The following SIRPG variants were observed in gnomAD, a reference collection of about 807,000 sequenced individuals.
The protein encoded by SIRPG is signal regulatory protein gamma, also known as signal-regulatory protein gamma.
In SIRPG, 38 loss-of-function variants were observed where a neutral mutation model predicts 35.7. That is an observed-to-expected ratio of 1.06 (90% CI 0.82 to 1.40). SIRPG has a LOEUF of 1.40. SIRPG is among the 40% of genes most tolerant of loss of function. SIRPG has a pLI of 0.00. For missense variants in SIRPG, 519 were observed against 483.0 expected, an observed-to-expected ratio of 1.07 and a Z score of -0.70; for synonymous variants, 215 against 190.4, an observed-to-expected ratio of 1.13 and a Z score of -1.06.
the SIRPG span, among the ~76,000 whole-genome samples, chr20:1,676,235 T>G: frequency 6.6e-6 from 1 of 152,166 alleles, no homozygotes; most frequent in Non-Finnish European, 1.5e-5. Flanking sequence ...GGAAGGAAAT[T>G]AGGCAGTGTT....
chr20:1,639,918 A>T (rs1437981091), intron 2 of SIRPG, among the ~76,000 whole-genome samples: 3 of 152,156 alleles, frequency 2.0e-5, no homozygotes, highest in Non-Finnish European at 4.4e-5. Context: ...TTTGTTGAAG[A>T]TCAGATGGTT....
the SIRPG span, among the ~76,000 whole-genome samples, chr20:1,683,461 A>G: frequency 2.0e-5 from 3 of 152,238 alleles, no homozygotes; most frequent in African/African-American, 7.2e-5. Flanking sequence ...CCATTGCAGC[A>G]TTATTTACAG....
the SIRPG span, among the ~76,000 whole-genome samples, chr20:1,679,725 T>G: frequency 6.6e-6 from 1 of 152,164 alleles, no homozygotes; most frequent in African/African-American, 2.4e-5. Context: ...TCTACCATTT[T>G]CAACACTAAT....
chr20:1,640,669 G>C (rs2091845076), intron 2 of SIRPG, among the ~76,000 whole-genome samples: 1 of 152,138 alleles, frequency 6.6e-6, no homozygotes, highest in South Asian at 2.1e-4. Flanking sequence ...GTTAGAGAGG[G>C]CGTCCTTGTC....
At chr20:1,668,529 A>G in the SIRPG span, among the ~76,000 whole-genome samples, 104,800 of 151,396 alleles carry the variant, frequency 0.69, 36,530 homozygotes, top group East Asian at 0.86. Context: ...TGATCCAACC[A>G]CCTCGGTCTC....
chr20:1,678,815 G>A, the SIRPG span, among the ~76,000 whole-genome samples: 36,983 of 152,044 alleles, frequency 0.24, 5,208 homozygotes, highest in East Asian at 0.59. Flanking sequence ...TTAAAGTCAA[G>A]GAAAGAATTC....
At chr20:1,683,002 A>G in the SIRPG span, among the ~76,000 whole-genome samples, 1 of 152,250 alleles carries the variant, frequency 6.6e-6, no homozygotes, top group Non-Finnish European at 1.5e-5. Context: ...TATACATTTG[A>G]TAAGGAGTCA....
At chr20:1,679,552 G>A in the SIRPG span, among the ~76,000 whole-genome samples, 2 of 152,044 alleles carry the variant, frequency 1.3e-5, no homozygotes, top group Admixed American at 6.6e-5. Context: ...GGTTGAGCCT[G>A]CTTCACGGAA....
At chr20:1,679,897 T>C in the SIRPG span, among the ~76,000 whole-genome samples, 7 of 152,294 alleles carry the variant, frequency 4.6e-5, no homozygotes, top group African/African-American at 1.4e-4. Context: ...CAGCTTTGTG[T>C]TGCCTTTTGG....
At chr20:1,660,376 C>T (rs948914432), upstream of SIRPG, among the ~76,000 whole-genome samples, 1 of 151,936 alleles carries the variant, frequency 6.6e-6, no homozygotes, top group Non-Finnish European at 1.5e-5. Context: ...AAAAATATAC[C>T]ACAATATTGT....
intron 1 of SIRPG, among the ~76,000 whole-genome samples, chr20:1,650,008 A>G (rs2091929619): frequency 1.4e-5 from 2 of 141,730 alleles, no homozygotes; most frequent in South Asian, 2.2e-4. Flanking sequence ...AAGTGTGTAT[A>G]TATATATATA....
At chr20:1,671,750 G>A in the SIRPG span, among the ~76,000 whole-genome samples, 1 of 152,238 alleles carries the variant, frequency 6.6e-6, no homozygotes, top group Non-Finnish European at 1.5e-5. Context: ...ATAAAGGGAT[G>A]GGCCGAAGTA....
upstream of SIRPG, among the ~76,000 whole-genome samples, chr20:1,658,412 T>C (rs894335180): frequency 3.9e-5 from 6 of 152,058 alleles, no homozygotes; most frequent in Non-Finnish European, 8.8e-5. Context: ...TTGTGGGTTA[T>C]GGAAAGGGGA....
chr20:1,672,471 G>A, the SIRPG span, among the ~76,000 whole-genome samples: 1 of 152,202 alleles, frequency 6.6e-6, no homozygotes, highest in Admixed American at 6.5e-5. Context: ...CTGTAGATCT[G>A]AGTAACAACT....
intron 2 of SIRPG, among the ~76,000 whole-genome samples, chr20:1,638,848 C>T (rs2091826614): frequency 6.7e-6 from 1 of 149,880 alleles, no homozygotes; most frequent in Admixed American, 6.7e-5. Context: ...GCAACTCCCA[C>T]TTATGAGTGA....
At chr20:1,665,709 C>T in the SIRPG span, among the ~76,000 whole-genome samples, 26 of 152,280 alleles carry the variant, frequency 1.7e-4, no homozygotes, top group African/African-American at 6.0e-4. Context: ...CAAGAAGAGC[C>T]TCACAACTTA....
chr20:1,679,303 C>T, the SIRPG span, among the ~76,000 whole-genome samples: 1 of 152,190 alleles, frequency 6.6e-6, no homozygotes, highest in African/African-American at 2.4e-5. Context: ...TTCATATTTT[C>T]CTGATGCCTC....
chr20:1,636,052 CT>C, intron 3 of SIRPG, 135 bp downstream of exon 3: 1 of 1,265,120 alleles, frequency 7.9e-7, no homozygotes, highest in East Asian at 2.5e-5. Context: ...ACCAGCACAC[CT>C]AGGTGCATGG....
At chr20:1,669,987 G>T in the SIRPG span, 3 of 242,816 alleles carry the variant, frequency 1.2e-5, no homozygotes, top group Middle Eastern at 5.9e-4. Flanking sequence ...ACCACCAGCT[G>T]CCCATCATGC....
Sources: gnomAD v4.1 joint callset for allele counts (sites outside exome capture counted in the v4.1 genomes callset) on GRCh38, gnomAD v4.1.1 for gene constraint, MANE v1.5 for transcripts, NCBI Gene and HGNC (gene_info 2026-07-23, HGNC 2026-07-21) for gene names.